GDA: variants seen among roughly 807,000 people sequenced by gnomAD.
GDA encodes the protein guanine deaminase, also known as cytoplasmic PSD-95 interactor.
In GDA, 18 loss-of-function variants were observed where a neutral mutation model predicts 59.6. That is an observed-to-expected ratio of 0.30 (90% confidence interval 0.21 to 0.45). The LOEUF (loss-of-function observed/expected upper bound fraction) is 0.45, where lower values mean the gene tolerates loss of function less well. Among genes scored for constraint, GDA ranks in the 20% least tolerant of loss-of-function variants. The pLI, the probability that GDA is intolerant of heterozygous loss-of-function variation, is 1.00. For synonymous variants in GDA, 201 were observed against 201.1 expected, an observed-to-expected ratio of 1.00 and a Z score of 0.00; for missense variants, 427 against 552.3, an observed-to-expected ratio of 0.77 and a Z score of 2.27.
At position 72,211,173 on chromosome 9, in the gene GDA, G is replaced by T. The variant is rs182275565; in HGVS notation, c.472+399G>T. On this transcript the variant is annotated intron_variant, in intron 4 of 13. Transcript: ENST00000358399. ...CTATTGGCTAGAGTCAGGGCACTGT[G>T]CTAGATGCTGGAAACGCAATGAGAT... Among the ~76,000 whole-genome samples, 870 of 152,272 alleles carry T rather than the reference G, an allele frequency of 5.7e-3. 9 individuals carry two copies. Among genetic ancestry groups the T allele is most frequent in the African/African-American group, 0.02 (842 of 41,554 alleles).
chr9:72,152,657 T>C (rs895657893), intron 1 of GDA, among the ~76,000 whole-genome samples: 4 of 152,204 alleles, frequency 2.6e-5, no homozygotes, highest in African/African-American at 9.6e-5. Flanking sequence ...TTCTTGTAAA[T>C]TTGTTTGAGT....
At chr9:72,200,574 G>A (rs973481281) in intron 2 of GDA, among the ~76,000 whole-genome samples, 4 of 147,994 alleles carry the variant, frequency 2.7e-5, no homozygotes, top group Non-Finnish European at 4.5e-5. Flanking sequence ...AGGGCTTGGC[G>A]GTTTCCTAAA....
chr9:72,222,156 A>G (rs189314467), intron 6 of GDA, among the ~76,000 whole-genome samples: 3 of 152,216 alleles, frequency 2.0e-5, no homozygotes, highest in Non-Finnish European at 4.4e-5. Context: ...CAATGGTTGA[A>G]GTAATTTACA....
At chr9:72,227,376 G>A (rs113935406) in intron 8 of GDA, among the ~76,000 whole-genome samples, 92 of 152,206 alleles carry the variant, frequency 6.0e-4, no homozygotes, top group Middle Eastern at 3.4e-3. Flanking sequence ...AAATATAAAC[G>A]TAGGTGAGTT....
intron 1 of GDA, among the ~76,000 whole-genome samples, chr9:72,190,469 TATA>T (rs1348994985): frequency 6.6e-6 from 1 of 152,226 alleles, no homozygotes; most frequent in Admixed American, 6.5e-5. Flanking sequence ...GAATACAGTA[TATA>T]ATACATATAA....
intron 10 of GDA, 33 bp from the exon 11 acceptor site, chr9:72,241,119 G>A (rs565508832): frequency 5.2e-6 from 8 of 1,524,602 alleles, no homozygotes; most frequent in Non-Finnish European, 7.2e-6. Flanking sequence ...TCCTCACAAG[G>A]TTACTGTTTT....
intron 1 of GDA, among the ~76,000 whole-genome samples, chr9:72,182,523 AG>A (rs775230983): frequency 7.9e-5 from 12 of 152,238 alleles, no homozygotes; most frequent in Non-Finnish European, 1.5e-4. Context: ...CAGGAGGCAC[AG>A]GATGTGGAAT....
chr9:72,162,039 T>A (rs1269249687), intron 1 of GDA, among the ~76,000 whole-genome samples: 1 of 152,372 alleles, frequency 6.6e-6, no homozygotes, highest in East Asian at 1.9e-4. Flanking sequence ...CCTTTCAGCC[T>A]GTGTAGAGTG....
Position 72,195,479 on chromosome 9 carries a change from TTTTC to T in GDA, c.124-9_124-6del. On this transcript the variant is annotated splice_polypyrimidine_tract_variant and intron_variant, in intron 1 of 13. Coordinates refer to ENST00000358399, the MANE Select transcript of GDA (RefSeq NM_004293.5). ...GACTCACTAATATGTGTTTCTTTTCTTTTCTTTCTTTCTTTTAAAGATAGTGTTT... is the reference window on the plus strand; with the variant it reads ...GACTCACTAATATGTGTTTCTTTTCTTTTCTTTCTTTTAAAGATAGTGTTT... 8.9e-6 allele frequency: 10 copies of T among 1,128,542 alleles called. No individual in the cohort carries two copies. The highest frequency in any genetic ancestry group is 1.4e-5 in the South Asian group (1 of 71,212). 69.9% of individuals were successfully genotyped at this position (1,128,542 alleles called of 1,614,324 possible).
In GDA at chr9:72,219,327, C is replaced by T. The variant is rs1197464937; in HGVS notation, c.579-152C>T. 3.4e-5 allele frequency: 18 copies of T among 534,408 alleles called. No homozygotes were observed. In the East Asian group the frequency reaches 5.4e-4, roughly 16 times the overall value. The allele number at this position is 534,408 out of a possible 1,614,324, so 33.1% of individuals were successfully genotyped here. On this transcript the variant is annotated intron_variant, in intron 5 of 13. Coordinates refer to ENST00000358399, the MANE Select transcript of GDA (RefSeq NM_004293.5). ...CTGAGGCAGGAGAACGGCGTGAACC[C>T]GGGAGGCGGAGCTTGCAGTGAGCCG...
At chr9:72,216,948 T>C (rs772866188) in intron 5 of GDA, among the ~76,000 whole-genome samples, 3 of 152,168 alleles carry the variant, frequency 2.0e-5, no homozygotes, top group Admixed American at 6.5e-5. Context: ...GTGCTGGGAT[T>C]ACAGGTGTGA....
downstream of GDA, chr9:72,253,703 T>C (rs1840819629): frequency 6.6e-6 from 1 of 152,152 alleles, no homozygotes; most frequent in Non-Finnish European, 1.5e-5. Flanking sequence ...TAGTATAAAA[T>C]ATCCAGAAAA....
intron 1 of GDA, among the ~76,000 whole-genome samples, chr9:72,140,076 C>T (rs1393820818): frequency 3.3e-5 from 5 of 152,146 alleles, no homozygotes; most frequent in Admixed American, 3.3e-4. Context: ...TACTTCCTCA[C>T]CTACCTGCTC....
downstream of GDA, among the ~76,000 whole-genome samples, chr9:72,255,724 C>T (rs536582663): frequency 6.6e-5 from 10 of 152,216 alleles, no homozygotes; most frequent in South Asian, 4.1e-4. Flanking sequence ...CTATCCATCC[C>T]GTAAAATCTC....
intron 1 of GDA, among the ~76,000 whole-genome samples, chr9:72,139,123 A>C (rs1826351592): frequency 6.6e-6 from 1 of 152,202 alleles, no homozygotes; most frequent in Admixed American, 6.5e-5. Flanking sequence ...AAGGTTAGCA[A>C]GTAAAAATTT....
At chr9:72,223,910 A>G (rs1248558801) in intron 7 of GDA, among the ~76,000 whole-genome samples, 6 of 152,198 alleles carry the variant, frequency 3.9e-5, no homozygotes, top group South Asian at 2.1e-4. Context: ...GGCAGAGACA[A>G]CACATTGATT....
At chr9:72,136,564 AT>A in intron 1 of GDA, among the ~76,000 whole-genome samples, 1 of 152,174 alleles carries the variant, frequency 6.6e-6, no homozygotes, top group Non-Finnish European at 1.5e-5. Flanking sequence ...AATCACCACC[AT>A]TTTCAAATCC....
chr9:72,196,466 G>A (rs1174384740), intron 2 of GDA, among the ~76,000 whole-genome samples: 3 of 145,586 alleles, frequency 2.1e-5, no homozygotes, highest in Admixed American at 6.8e-5. Context: ...TAGCCTGGGT[G>A]AAAGAGCAAG....
rs1391041639 is a variant in GDA, at chr9:72,231,177, T to G, written c.984T>G (p.Gly328=). ...VLKHEVKIGL[G]TDVAGGYSYS... is the part of the protein sequence containing the mutation. ...AACATGAAGTCAAGATAGGGCTGGG[T>G]ACAGGTTAGTAGTTCACCATTTGGA... Residue 328 remains glycine, a synonymous_variant, in exon 10 of 14, where the codon GGT becomes GGG. Transcript: ENST00000358399. The G allele has an allele frequency of 2.0e-6, 3 of 1,537,666 alleles. No homozygotes were observed. The African/African-American group carries it at 4.1e-5, about 21-fold the overall frequency.
Sources: gnomAD v4.1 joint callset for allele counts (sites outside exome capture counted in the v4.1 genomes callset) on GRCh38, gnomAD v4.1.1 for gene constraint, MANE v1.5 for transcripts, NCBI Gene and HGNC (gene_info 2026-07-23, HGNC 2026-07-21) for gene names.